CCDC175: variants seen among roughly 807,000 people sequenced by gnomAD.
The protein encoded by CCDC175 is coiled-coil domain-containing protein 175.
A neutral mutation model predicts 114.6 loss-of-function variants in CCDC175; 100 were observed. The observed-to-expected ratio is 0.87, with a 90% CI of 0.74 to 1.03. CCDC175 has a LOEUF of 1.03. CCDC175 is among the 50% of genes least tolerant of loss of function. The pLI is 0.00. For synonymous variants in CCDC175, 306 were observed against 308.7 expected, an observed-to-expected ratio of 0.99 and a Z score of 0.09; for missense variants, 880 against 917.8, an observed-to-expected ratio of 0.96 and a Z score of 0.53.
At position 59,543,355 on chromosome 14, in the gene CCDC175, C is replaced by T. The variant is rs906137816; in HGVS notation, c.1272G>A (p.Gln424=). 59 of 1,347,748 alleles carry T rather than the reference C, an allele frequency of 4.4e-5. No homozygotes were observed. In the Admixed American group the frequency reaches 1.5e-3, roughly 34 times the overall value. 83.5% of individuals were successfully genotyped at this position (1,347,748 alleles called of 1,614,324 possible). Residue 424 remains glutamine (Q), a synonymous_variant, in exon 10 of 20, where the codon CAG becomes CAA. Coordinates refer to ENST00000537690, the MANE Select transcript of CCDC175 (RefSeq NM_001164399.2). ...GGCAACAAACATACTGTTGAAGTTC[C>T]TGGAGTGTGATGAGTCCTTCTTCCA... The part of the protein sequence containing the change: ...KNMEEGLITL[Q]ELQQATKTVY...
chr14:59,518,769 A>G (rs1364719468), intron 17 of CCDC175, among the ~76,000 whole-genome samples: 1 of 152,130 alleles, frequency 6.6e-6, no homozygotes, highest in Non-Finnish European at 1.5e-5. Context: ...GTGATTCCTC[A>G]GGGATCTAGA....
chr14:59,533,869 G>C (rs1894225765), intron 13 of CCDC175, among the ~76,000 whole-genome samples: 1 of 151,722 alleles, frequency 6.6e-6, no homozygotes, highest in African/African-American at 2.4e-5. Context: ...TGCACCTGTA[G>C]TCCCAGCTAC....
At chr14:59,570,630 A>G (rs76573663) in intron 3 of CCDC175, among the ~76,000 whole-genome samples, 234 of 152,302 alleles carry the variant, frequency 1.5e-3, no homozygotes, top group African/African-American at 5.4e-3. Context: ...GAGTTGTTCT[A>G]CATTGAGGCA....
intron 17 of CCDC175, among the ~76,000 whole-genome samples, chr14:59,516,654 C>A (rs1366270519): frequency 2.6e-5 from 4 of 152,090 alleles, no homozygotes; most frequent in Non-Finnish European, 5.9e-5. Flanking sequence ...CAATAACAGG[C>A]TCTGAAATTG....
intron 10 of CCDC175, among the ~76,000 whole-genome samples, chr14:59,542,814 G>A (rs1894866743): frequency 6.6e-6 from 1 of 151,990 alleles, no homozygotes; most frequent in Non-Finnish European, 1.5e-5. Context: ...ATAATTTTAA[G>A]TGGAACAAAT....
intron 7 of CCDC175, among the ~76,000 whole-genome samples, chr14:59,552,562 T>C (rs962898026): frequency 1.3e-5 from 2 of 151,278 alleles, no homozygotes; most frequent in Non-Finnish European, 2.9e-5. Context: ...TCAGAGCACC[T>C]CCCCCCCTCC....
intron 7 of CCDC175, among the ~76,000 whole-genome samples, chr14:59,556,655 A>G (rs551197523): frequency 6.6e-6 from 1 of 152,346 alleles, no homozygotes; most frequent in East Asian, 1.9e-4. Context: ...AAAAGAAACT[A>G]CCATCAGAGT....
chr14:59,505,302 G>GTGTT lies in CCDC175; in HGVS notation c.2315_2318dup (p.His773GlnfsTer13), dbSNP rs746033728. The GTGTT allele has an allele frequency of 4.0e-6, 6 of 1,493,794 alleles. No homozygotes were observed. In the African/African-American group the frequency reaches 8.3e-5, roughly 21 times the overall value. The allele number at this position is 1,493,794 out of a possible 1,614,324, so 92.5% of individuals were successfully genotyped here. A position where few individuals can be genotyped will look rare whatever the true frequency, so the allele number is the denominator to read the frequency against. ...CTGGGAAATGAACCCTTGTACGAAT[G>GTGTT]TGTTTCTTCTTCTCTGTAGGAATAA... On this transcript the variant is annotated frameshift_variant, in exon 20 of 20. Transcript: ENST00000537690. LOFTEE classifies it low-confidence loss of function (END_TRUNC).
intron 17 of CCDC175, among the ~76,000 whole-genome samples, chr14:59,516,205 A>G (rs1342400318): frequency 6.6e-6 from 1 of 152,260 alleles, no homozygotes; most frequent in African/African-American, 2.4e-5. Flanking sequence ...AATGCCCACA[A>G]GAGAAAGCAG....
In CCDC175 at chr14:59,565,095, T is replaced by C. The variant is rs1404018405; in HGVS notation, c.672A>G (p.Glu224=). The C allele has an allele frequency of 6.5e-7, 1 of 1,537,646 alleles. No homozygotes were observed. The highest frequency in any genetic ancestry group is 2.4e-5 in the East Asian group (1 of 40,920). The part of the protein sequence containing the change: ...KCIQEAEELM[E]KERAEYLIRK... ...TTATTAGATATTCTGCCCTTTCTTT[T>C]TCCATTAGCTCCTCTGCCTCTTGAA... Residue 224 remains glutamate, a synonymous_variant, in exon 5 of 20, where the codon GAA becomes GAG. Coordinates refer to ENST00000537690, the MANE Select transcript of CCDC175 (RefSeq NM_001164399.2).
chr14:59,521,297 T>C (rs538843133), intron 17 of CCDC175, among the ~76,000 whole-genome samples: 1 of 152,330 alleles, frequency 6.6e-6, no homozygotes, highest in Non-Finnish European at 1.5e-5. Flanking sequence ...TTTGGACTCT[T>C]GGATTTACAC....
intron 7 of CCDC175, among the ~76,000 whole-genome samples, chr14:59,554,823 G>A (rs1286868962): frequency 6.6e-6 from 1 of 152,110 alleles, no homozygotes; most frequent in Non-Finnish European, 1.5e-5. Context: ...TACCATCAGA[G>A]AATACTATAA....
At chr14:59,550,240 A>G (rs1053117297) in intron 8 of CCDC175, among the ~76,000 whole-genome samples, 1 of 152,160 alleles carries the variant, frequency 6.6e-6, no homozygotes, top group African/African-American at 2.4e-5. Context: ...TTGTCACTCA[A>G]TAACGTATTA....
chr14:59,568,362 C>T lies in CCDC175; in HGVS notation c.374G>A (p.Arg125His), dbSNP rs751031065. 2.8e-5 allele frequency: 43 copies of T among 1,526,190 alleles called. No homozygotes were observed. The highest frequency in any genetic ancestry group is 3.4e-5 in the Non-Finnish European group (39 of 1,143,042). The allele number at this position is 1,526,190 out of a possible 1,614,324, so 94.5% of individuals were successfully genotyped here. A position where few individuals can be genotyped will look rare whatever the true frequency, so the allele number is the denominator to read the frequency against. Residue 125 changes from arginine (R) to histidine (H), a missense_variant, in exon 4 of 20, where the codon CGC (arginine) becomes CAC (histidine). Coordinates refer to ENST00000537690, the MANE Select transcript of CCDC175 (RefSeq NM_001164399.2). ...RELEECVRDA[R>H]RLNLFEINTI... ...ATTTATCTCAAAAAGATTTAATCTGCGAGCGTCTCGGACACATTCTTCAAA... is the reference window on the plus strand; with the variant it reads ...ATTTATCTCAAAAAGATTTAATCTGTGAGCGTCTCGGACACATTCTTCAAA...
At chr14:59,510,368 A>G (rs1892671587) in intron 19 of CCDC175, 2 of 291,468 alleles carry the variant, frequency 6.9e-6, no homozygotes, top group East Asian at 7.1e-5. Context: ...AAGAGTTTAA[A>G]AAGCCTTCTC....
Position 59,530,243 on chromosome 14 carries a change from TGTAATCC to T in CCDC175, c.1762+1522_1762+1528del, listed in dbSNP as rs547374028. Among the ~76,000 whole-genome samples, 1,145 of 151,964 alleles carry T rather than the reference TGTAATCC, an allele frequency of 7.5e-3. 13 individuals carry two copies. Among genetic ancestry groups the T allele is most frequent in the African/African-American group, 0.026 (1,083 of 41,410 alleles). ...TTGGCCAGGCATGGTGGCGCACACC[TGTAATCC>T]CAGCTACTCAGGAGGCTGAGGCAGG... On this transcript the variant is annotated intron_variant, in intron 14 of 19. Coordinates refer to ENST00000537690, the MANE Select transcript of CCDC175 (RefSeq NM_001164399.2).
intron 1 of CCDC175, among the ~76,000 whole-genome samples, chr14:59,575,718 C>T (rs1897079876): frequency 6.6e-6 from 1 of 152,098 alleles, no homozygotes; most frequent in Non-Finnish European, 1.5e-5. Context: ...CCATGTTGGC[C>T]AGGCTGGTCT....
At chr14:59,535,385 C>G (rs547718921) in intron 13 of CCDC175, among the ~76,000 whole-genome samples, 2 of 152,298 alleles carry the variant, frequency 1.3e-5, no homozygotes, top group Non-Finnish European at 2.9e-5. Context: ...TGCCTAATTG[C>G]ACTGTATAAA....
chr14:59,535,388 T>C (rs146855380), intron 13 of CCDC175, among the ~76,000 whole-genome samples: 63 of 152,346 alleles, frequency 4.1e-4, no homozygotes, highest in African/African-American at 1.4e-3. Flanking sequence ...CTAATTGCAC[T>C]GTATAAACTT....
Sources: allele counts gnomAD v4.1 joint callset (sites outside exome capture counted in the v4.1 genomes callset), GRCh38; gene constraint gnomAD v4.1.1; transcripts MANE v1.5; gene names NCBI Gene and HGNC (gene_info 2026-07-23, HGNC 2026-07-21).